Variants in PRKG1 observed in about 807,000 individuals in gnomAD.
PRKG1 encodes the protein protein kinase cGMP-dependent 1.
A neutral mutation model predicts 88.1 loss-of-function variants in PRKG1; 35 were observed. The ratio of observed to expected loss-of-function variants is 0.40; its 90% CI spans 0.30 to 0.53. The LOEUF is 0.53. Among genes scored for constraint, PRKG1 ranks in the 20% least tolerant of loss-of-function variants. The pLI is 0.59. For synonymous variants in PRKG1, 303 were observed against 292.5 expected (o/e 1.04, Z -0.37); for missense variants, 540 against 839.8 (o/e 0.64, Z 4.41).
chr10:52,049,695 G>C lies in PRKG1; in HGVS notation c.763-4789G>C, dbSNP rs1845942050. ...ACAAGGGAAAAAAACAATGGGGATAGTGGAAGAATATTGGGTTTAGCCCAT... is the reference window on the plus strand; with the variant it reads ...ACAAGGGAAAAAAACAATGGGGATACTGGAAGAATATTGGGTTTAGCCCAT... On this transcript the variant is annotated intron_variant, in intron 5 of 17. Coordinates refer to ENST00000373980, the MANE Select transcript of PRKG1 (RefSeq NM_006258.4). Among the ~76,000 whole-genome samples, 3 of 152,102 alleles carry C rather than the reference G, an allele frequency of 2.0e-5. No individual in the cohort carries two copies. The South Asian group carries it at 6.2e-4, about 31-fold the overall frequency.
intron 3 of PRKG1, among the ~76,000 whole-genome samples, chr10:51,765,986 C>T (rs986309268): frequency 2.0e-5 from 3 of 152,114 alleles, no homozygotes; most frequent in Non-Finnish European, 4.4e-5. Flanking sequence ...TACACTCTTC[C>T]TGGCTTGCAG....
At position 52,297,748 on chromosome 10, in the gene PRKG1, A is replaced by G. The variant is rs1248771958; in HGVS notation, c.*3848A>G. ...TAACATATCTCATTTTATAGACTCCATTGACAATGGTCCAACCGAAAAGAA... is the reference window on the plus strand; with the variant it reads ...TAACATATCTCATTTTATAGACTCCGTTGACAATGGTCCAACCGAAAAGAA... On this transcript the variant is annotated 3_prime_UTR_variant, in exon 18 of 18. Transcript: ENST00000373980. The G allele has an allele frequency of 6.6e-6, 1 of 152,172 alleles. No individual in the cohort carries two copies. The highest frequency in any genetic ancestry group is 1.5e-5 in the Non-Finnish European group (1 of 68,018). 9.4% of individuals were successfully genotyped at this position (152,172 alleles called of 1,614,324 possible). A position where few individuals can be genotyped will look rare whatever the true frequency, so the allele number is the denominator to read the frequency against.
At chr10:51,918,338 T>G (rs1228831470) in intron 5 of PRKG1, among the ~76,000 whole-genome samples, 1 of 152,060 alleles carries the variant, frequency 6.6e-6, no homozygotes, top group Non-Finnish European at 1.5e-5. Flanking sequence ...GACTTATTTT[T>G]TTTTTATTTT....
intron 7 of PRKG1, among the ~76,000 whole-genome samples, chr10:52,119,011 G>A (rs761079768): frequency 5.3e-5 from 8 of 151,848 alleles, no homozygotes; most frequent in Non-Finnish European, 1.0e-4. Flanking sequence ...TTTATTGTGA[G>A]AATCTATTAT....
Position 52,224,119 on chromosome 10 carries a change from A to G in PRKG1, c.1077-27451A>G, listed in dbSNP as rs561073205. Among the ~76,000 whole-genome samples the G allele has an allele frequency of 5.3e-5, 8 of 152,154 alleles. No individual in the cohort carries two copies. In the South Asian group the frequency reaches 1.7e-3, roughly 32 times the overall value. ...TTCAGAATAAAAGGCAAATCTTTACAATGGTCTACAAGGCCCCAGACAACT... is the reference window on the plus strand; with the variant it reads ...TTCAGAATAAAAGGCAAATCTTTACGATGGTCTACAAGGCCCCAGACAACT... On this transcript the variant is annotated intron_variant, in intron 9 of 17. Coordinates refer to ENST00000373980, the MANE Select transcript of PRKG1 (RefSeq NM_006258.4).
intron 2 of PRKG1, among the ~76,000 whole-genome samples, chr10:51,437,612 T>C (rs187344485): frequency 2.6e-4 from 40 of 152,082 alleles, no homozygotes; most frequent in African/African-American, 9.1e-4. Context: ...CTAAATTTAA[T>C]AGAATAATTA....
intron 3 of PRKG1, among the ~76,000 whole-genome samples, chr10:51,506,009 G>T (rs531680518): frequency 6.6e-6 from 1 of 152,018 alleles, no homozygotes; most frequent in African/African-American, 2.4e-5. Flanking sequence ...CTTGCCTTCT[G>T]CTAGCTTTTG....
chr10:51,888,301 T>C (rs2132898323), intron 4 of PRKG1, among the ~76,000 whole-genome samples: 1 of 152,346 alleles, frequency 6.6e-6, no homozygotes, highest in South Asian at 2.1e-4. Context: ...AGTTGGGTTA[T>C]GAAAAATCAA....
At chr10:52,025,439 C>T (rs563748228) in intron 5 of PRKG1, among the ~76,000 whole-genome samples, 1 of 152,228 alleles carries the variant, frequency 6.6e-6, no homozygotes, top group African/African-American at 2.4e-5. Flanking sequence ...TGGTTTTCTT[C>T]TAGGGTTTTT....
chr10:52,000,208 TTA>T (rs973232902), intron 5 of PRKG1, among the ~76,000 whole-genome samples: 7 of 152,100 alleles, frequency 4.6e-5, no homozygotes, highest in African/African-American at 1.7e-4. Context: ...CTGCATTGTT[TTA>T]TGATAGGACA....
chr10:52,172,216 G>C lies in PRKG1; in HGVS notation c.1076+10253G>C, dbSNP rs563570219. 2.2e-4 allele frequency among the ~76,000 whole-genome samples: 34 copies of C among 152,302 alleles called. No homozygotes were observed. The South Asian group carries it at 7.0e-3, about 32-fold the overall frequency. On this transcript the variant is annotated intron_variant, in intron 9 of 17. Transcript: ENST00000373980. ...TAAATGTGAATCCCAGTATGTGCTT[G>C]CTTGCAGCCTTTTCTAATCAACAGA...
At chr10:51,956,064 A>C (rs1156437555) in intron 5 of PRKG1, among the ~76,000 whole-genome samples, 1 of 152,140 alleles carries the variant, frequency 6.6e-6, no homozygotes, top group African/African-American at 2.4e-5. Context: ...TCTAATTAGA[A>C]ACATGTTTCT....
At chr10:51,186,302 T>A (rs1158511254) in intron 2 of PRKG1, among the ~76,000 whole-genome samples, 2 of 151,980 alleles carry the variant, frequency 1.3e-5, no homozygotes, top group Non-Finnish European at 2.9e-5. Context: ...TTAATCTGTT[T>A]CTCTTGGTGT....
intron 2 of PRKG1, among the ~76,000 whole-genome samples, chr10:51,238,918 A>T (rs1208098017): frequency 6.0e-5 from 9 of 150,006 alleles, no homozygotes; most frequent in South Asian, 4.2e-4. Context: ...AATAATTTTT[A>T]TTTTTTTTTT....
intron 2 of PRKG1, among the ~76,000 whole-genome samples, chr10:51,309,679 G>A (rs1351767648): frequency 6.6e-6 from 1 of 152,122 alleles, no homozygotes; most frequent in South Asian, 2.1e-4. Flanking sequence ...ATGGAAAACA[G>A]TTTGGAGATT....
chr10:52,093,308 C>A (rs1440562628), intron 7 of PRKG1, among the ~76,000 whole-genome samples: 1 of 152,014 alleles, frequency 6.6e-6, no homozygotes, highest in African/African-American at 2.4e-5. Context: ...AAGAAGTGGT[C>A]AAATAACTGT....
chr10:51,511,364 G>C (rs965834287), intron 3 of PRKG1, among the ~76,000 whole-genome samples: 2 of 151,994 alleles, frequency 1.3e-5, no homozygotes. Context: ...TTAAAATTAA[G>C]GACTTCTATT....
chr10:52,025,046 A>G (rs9664802), intron 5 of PRKG1, among the ~76,000 whole-genome samples: 151,552 of 152,298 alleles, frequency 1, 75,407 homozygotes, highest in Middle Eastern at 1. Flanking sequence ...ATGGTATCTC[A>G]TTGTGGTTTT....
At chr10:51,245,250 A>G (rs777497053) in intron 2 of PRKG1, 1 of 152,066 alleles carries the variant, frequency 6.6e-6, no homozygotes, top group South Asian at 2.1e-4. Context: ...AGATTTTCAC[A>G]ATATTTCTAG....
Sources: gnomAD v4.1 joint callset for allele counts (sites outside exome capture counted in the v4.1 genomes callset) on GRCh38, gnomAD v4.1.1 for gene constraint, MANE v1.5 for transcripts, NCBI Gene and HGNC (gene_info 2026-07-23, HGNC 2026-07-21) for gene names.